The following POLQ variants were observed in gnomAD, a reference collection of about 807,000 sequenced individuals.
POLQ encodes the protein DNA polymerase theta.
Under a neutral mutation model 259.2 loss-of-function variants are expected in POLQ, and 233 were observed. The ratio of observed to expected loss-of-function variants is 0.90; its 90% confidence interval spans 0.81 to 1.00. The LOEUF (loss-of-function observed/expected upper bound fraction) is 1.00. Among genes scored for constraint, POLQ ranks in the 50% least tolerant of loss-of-function variants. The pLI, the probability that POLQ is intolerant of heterozygous loss-of-function variation, is 0.00. For missense variants in POLQ, 2,871 were observed against 3,051.6 expected, an observed-to-expected ratio of 0.94 and a Z score of 1.39; for synonymous variants, 1,025 against 1,048.8, an observed-to-expected ratio of 0.98 and a Z score of 0.44.
intron 25 of POLQ, among the ~76,000 whole-genome samples, chr3:121,459,019 G>C (rs947511389): frequency 2.0e-5 from 3 of 152,208 alleles, no homozygotes; most frequent in African/African-American, 7.2e-5. Context: ...AATGGCATCA[G>C]ATTTCCCACG....
chr3:121,459,115 T>C (rs750286813), intron 25 of POLQ, among the ~76,000 whole-genome samples: 6 of 152,150 alleles, frequency 3.9e-5, no homozygotes, highest in Non-Finnish European at 8.8e-5. Flanking sequence ...GCCTAATAGT[T>C]ATCCAGAGTA....
chr3:121,452,279 G>C (rs1056886286), intron 25 of POLQ, among the ~76,000 whole-genome samples: 1 of 151,938 alleles, frequency 6.6e-6, no homozygotes, highest in Non-Finnish European at 1.5e-5. Flanking sequence ...CGCTCGGTGG[G>C]CTGCACCCAC....
intron 12 of POLQ, among the ~76,000 whole-genome samples, chr3:121,502,831 CA>C (rs1008715011): frequency 2.7e-5 from 4 of 150,812 alleles, no homozygotes; most frequent in Non-Finnish European, 5.9e-5. Context: ...AACAATGGCA[CA>C]AAAAAAGGAA....
chr3:121,533,104 G>C lies in POLQ; in HGVS notation c.846C>G (p.Leu282=), dbSNP rs1344234440. ...ELVASWLNAE[L]YHTDFRPVPL... ...GTACAGGGCGAAAGTCGGTATGGTA[G>C]AGTTCAGCATTCAACCAGGAAGCCA... is the stretch of plus-strand genomic sequence containing the variant. Residue 282 remains leucine (L), a synonymous_variant, in exon 6 of 30, where the codon CTC becomes CTG. Transcript: ENST00000264233. 1.2e-6 allele frequency: 2 copies of C among 1,614,074 alleles called. No homozygotes were observed. Among genetic ancestry groups the C allele is most frequent in the South Asian group, 1.1e-5 (1 of 91,082 alleles).
intron 25 of POLQ, among the ~76,000 whole-genome samples, chr3:121,455,077 C>A (rs2047720834): frequency 6.6e-6 from 1 of 151,864 alleles, no homozygotes; most frequent in South Asian, 2.1e-4. Flanking sequence ...GATTAAGAAA[C>A]TCACTCAAAA....
At chr3:121,454,985 T>A (rs1490823217) in intron 25 of POLQ, among the ~76,000 whole-genome samples, 6 of 151,908 alleles carry the variant, frequency 3.9e-5, no homozygotes, top group African/African-American at 7.3e-5. Context: ...GTTGGAAGTA[T>A]AGCACTCCTC....
At chr3:121,514,351 C>A (rs1230917413) in intron 9 of POLQ, among the ~76,000 whole-genome samples, 10 of 93,216 alleles carry the variant, frequency 1.1e-4, no homozygotes, top group African/African-American at 3.1e-4. Flanking sequence ...ACAACAACAA[C>A]AACAATAACC....
chr3:121,489,253 GTAACTACTGACTGCTTC>G lies in POLQ; in HGVS notation c.3661_3677del (p.Glu1221HisfsTer3). 6.2e-7 allele frequency: 1 copy of G among 1,613,028 alleles called. No individual in the cohort carries two copies. The highest frequency in any genetic ancestry group is 8.5e-7 in the Non-Finnish European group (1 of 1,179,408). ...TAGTAACATTTGAGTCTCTATTTAT[GTAACTACTGACTGCTTC>G]ACAGGGCATTTGTCTCTCTATTATA... On this transcript the variant is annotated frameshift_variant, in exon 16 of 30. Transcript: ENST00000264233. LOFTEE classifies it high-confidence loss of function.
chr3:121,512,028 G>C lies in POLQ; in HGVS notation c.1470C>G (p.Gly490=), dbSNP rs778193670. Residue 490 remains glycine, a splice_region_variant and synonymous_variant, in exon 10 of 30, where the codon GGC becomes GGG. Transcript: ENST00000264233. The stretch of plus-strand genomic sequence containing the variant: ...AGTTCTTACAAATTAAGATACTCTC[G>C]CCTATAACCAAAAGATACACATTTG... ...RAGRKGVDTV[G]ESILICKNSE... 1 of 1,609,890 alleles carries C rather than the reference G, an allele frequency of 6.2e-7. No individual in the cohort carries two copies. The highest frequency in any genetic ancestry group is 8.5e-7 in the Non-Finnish European group (1 of 1,178,114).
intron 21 of POLQ, 141 bp downstream of exon 21, chr3:121,473,209 C>T (rs2047899413): frequency 1.3e-6 from 1 of 789,110 alleles, no homozygotes; most frequent in Non-Finnish European, 1.9e-6. Flanking sequence ...GCTACCAAAC[C>T]ACAAACCAAT....
At chr3:121,510,295 C>T (rs1236166517) in intron 10 of POLQ, 52 bp from the exon 11 acceptor site, 10 of 1,395,552 alleles carry the variant, frequency 7.2e-6, no homozygotes, top group Non-Finnish European at 1.0e-5. Flanking sequence ...AACATGCAAG[C>T]CACCGGGCGC....
chr3:121,434,685 G>A lies in POLQ; in HGVS notation c.7543+1437C>T, dbSNP rs1053366667. ...TTTTGTTATCTACGTATTTTTGTAC[G>A]TAAGTGAACACGTTATAACTGGCTG... On this transcript the variant is annotated intron_variant, in intron 28 of 29. Transcript: ENST00000264233. 7.9e-5 allele frequency among the ~76,000 whole-genome samples: 12 copies of A among 152,204 alleles called. No homozygotes were observed. The East Asian group carries it at 1.4e-3, about 17-fold the overall frequency.
In POLQ at chr3:121,494,486, G is replaced by A. The variant is rs960445415; in HGVS notation, c.2279-765C>T. On this transcript the variant is annotated intron_variant, in intron 14 of 29. Transcript: ENST00000264233. Reference sequence around the variant, plus strand: ...CAAGAAGAAAGCTGCTGGCAGAGGGGACGTCCCCACCAAGAGACCACCTGT... The same window carrying A: ...CAAGAAGAAAGCTGCTGGCAGAGGGAACGTCCCCACCAAGAGACCACCTGT... 7 of 1,482,434 alleles carry A rather than the reference G, an allele frequency of 4.7e-6. No homozygotes were observed. The Admixed American group carries it at 8.7e-5, about 18-fold the overall frequency. 91.8% of individuals were successfully genotyped at this position (1,482,434 alleles called of 1,614,324 possible).
At chr3:121,494,866 C>T (rs1015385194) in intron 14 of POLQ, 16 of 1,583,432 alleles carry the variant, frequency 1.0e-5, no homozygotes, top group Admixed American at 3.4e-5. Flanking sequence ...TCACCAAGCT[C>T]GAAAAGGCAA....
chr3:121,513,065 T>C (rs2048266426), intron 9 of POLQ, among the ~76,000 whole-genome samples: 1 of 152,062 alleles, frequency 6.6e-6, no homozygotes, highest in Non-Finnish European at 1.5e-5. Flanking sequence ...TCTTCAAAAA[T>C]GAATCCAATA....
chr3:121,543,931 C>T (rs1187581990), intron 2 of POLQ, among the ~76,000 whole-genome samples: 2 of 150,682 alleles, frequency 1.3e-5, no homozygotes, highest in Non-Finnish European at 2.9e-5. Context: ...TGCCGTGAGC[C>T]GAGACAACTC....
rs1012507035 is a variant in POLQ at position 121,524,429 on chromosome 3, G to A, written c.1109-2280C>T. On this transcript the variant is annotated intron_variant, in intron 7 of 29. Transcript: ENST00000264233. ...TCCCTGTCTTCCTTGTATTTATCTTGAGCACCACAGACTAGTAAAAATAGT... is the reference window on the plus strand; with the variant it reads ...TCCCTGTCTTCCTTGTATTTATCTTAAGCACCACAGACTAGTAAAAATAGT... 3.9e-5 allele frequency among the ~76,000 whole-genome samples: 6 copies of A among 152,004 alleles called. No individual in the cohort carries two copies. The South Asian group carries it at 8.3e-4, about 21-fold the overall frequency.
At chr3:121,492,185 G>A (rs2048074121) in intron 15 of POLQ, among the ~76,000 whole-genome samples, 1 of 152,130 alleles carries the variant, frequency 6.6e-6, no homozygotes, top group African/African-American at 2.4e-5. Context: ...TGGGAGGGAA[G>A]AAACACTAAT....
chr3:121,473,646 T>C (rs919829184), intron 20 of POLQ, among the ~76,000 whole-genome samples, 159 bp from the exon 21 acceptor site: 3 of 152,064 alleles, frequency 2.0e-5, no homozygotes, highest in African/African-American at 7.2e-5. Context: ...TAATAAATGA[T>C]GGCAATCAAA....
Sources: gnomAD v4.1 joint callset for allele counts (sites outside exome capture counted in the v4.1 genomes callset) on GRCh38, gnomAD v4.1.1 for gene constraint, MANE v1.5 for transcripts, NCBI Gene and HGNC (gene_info 2026-07-23, HGNC 2026-07-21) for gene names.